ERBB4: variants seen among roughly 807,000 people sequenced by gnomAD.
The protein encoded by ERBB4 is erb-b2 receptor tyrosine kinase 4.
A neutral mutation model predicts 158.0 loss-of-function variants in ERBB4; 42 were observed. That is an observed-to-expected ratio of 0.27 (90% CI 0.21 to 0.34). The LOEUF (loss-of-function observed/expected upper bound fraction) is 0.34, where lower values mean the gene tolerates loss of function less well. Ranked by LOEUF, ERBB4 falls within the 10% of genes least tolerant of loss-of-function variation. The pLI, the probability that ERBB4 is intolerant of heterozygous loss-of-function variation, is 1.00. For missense variants in ERBB4, 1,333 were observed against 1,624.1 expected (o/e 0.82, Z 3.08); for synonymous variants, 583 against 558.7 (o/e 1.04, Z -0.61).
At chr2:212,042,418 G>A (rs945164517) in intron 2 of ERBB4, among the ~76,000 whole-genome samples, 3 of 151,920 alleles carry the variant, frequency 2.0e-5, no homozygotes, top group Non-Finnish European at 4.4e-5. Context: ...AGGTTTTCAC[G>A]GAAGCTTTGA....
At chr2:211,898,602 C>G (rs1336812418) in intron 3 of ERBB4, among the ~76,000 whole-genome samples, 1 of 152,130 alleles carries the variant, frequency 6.6e-6, no homozygotes, top group Admixed American at 6.6e-5. Flanking sequence ...CCTTTCATGA[C>G]ACAGTGACTT....
intron 3 of ERBB4, among the ~76,000 whole-genome samples, chr2:211,851,733 A>G (rs1256226025): frequency 2.6e-5 from 4 of 151,980 alleles, no homozygotes; most frequent in African/African-American, 4.8e-5. Context: ...TATTGTGATA[A>G]GAGAATAGTG....
intron 20 of ERBB4, among the ~76,000 whole-genome samples, chr2:211,438,999 T>TGC (rs1352422854): frequency 2.0e-5 from 3 of 151,776 alleles, no homozygotes; most frequent in East Asian, 3.9e-4. Context: ...AGTGTGTGTG[T>TGC]GTGTGTGTGT....
intron 1 of ERBB4, among the ~76,000 whole-genome samples, chr2:212,145,166 TAAAAC>T (rs939197078): frequency 1.2e-4 from 19 of 152,032 alleles, no homozygotes; most frequent in African/African-American, 3.6e-4. Context: ...AAATTGTAGT[TAAAAC>T]AAAAAAAATC....
intron 17 of ERBB4, among the ~76,000 whole-genome samples, chr2:211,627,354 C>T (rs75287277): frequency 0.038 from 5,823 of 152,312 alleles, 364 homozygotes; most frequent in African/African-American, 0.13. Context: ...CTTCAATAAG[C>T]TTCCAGCTAA....
intron 2 of ERBB4, among the ~76,000 whole-genome samples, chr2:212,027,236 C>T (rs546870905): frequency 6.6e-6 from 1 of 152,104 alleles, no homozygotes; most frequent in Admixed American, 6.6e-5. Flanking sequence ...ATATTTTAAA[C>T]ACTTTCATTA....
At chr2:211,623,099 C>A (rs1260808547) in intron 18 of ERBB4, among the ~76,000 whole-genome samples, 3 of 126,646 alleles carry the variant, frequency 2.4e-5, no homozygotes, top group African/African-American at 8.8e-5. Context: ...AAGAATAATT[C>A]AGCATTTGCC....
At chr2:211,425,919 A>C (rs2125415635) in intron 22 of ERBB4, among the ~76,000 whole-genome samples, 1 of 152,186 alleles carries the variant, frequency 6.6e-6, no homozygotes, top group East Asian at 1.9e-4. Context: ...CCTGGGTTTG[A>C]GCCATCTGCC....
Position 212,068,764 on chromosome 2 carries a change from G to A in ERBB4, c.234+55988C>T, listed in dbSNP as rs976244192. 7.2e-5 allele frequency among the ~76,000 whole-genome samples: 11 copies of A among 152,144 alleles called. No homozygotes were observed. The South Asian group carries it at 2.3e-3, about 32-fold the overall frequency. ...CATTGGAATACTGATTCTATTTCAT[G>A]GAATGAACTGTTGTCCAATTTTAGA... is the stretch of plus-strand genomic sequence containing the variant. On this transcript the variant is annotated intron_variant, in intron 2 of 27. Coordinates refer to ENST00000342788, the MANE Select transcript of ERBB4 (RefSeq NM_005235.3).
chr2:211,904,447 G>A (rs145397419), intron 3 of ERBB4, among the ~76,000 whole-genome samples: 1 of 151,892 alleles, frequency 6.6e-6, no homozygotes, highest in African/African-American at 2.4e-5. Context: ...GCTTACTAAT[G>A]GAACTTTAGC....
chr2:211,586,443 C>T (rs1269104489), intron 19 of ERBB4, among the ~76,000 whole-genome samples: 1 of 152,114 alleles, frequency 6.6e-6, no homozygotes, highest in Non-Finnish European at 1.5e-5. Context: ...TAAAAGTACC[C>T]TGGAAGTATT....
chr2:211,624,126 T>G, intron 17 of ERBB4, 82 bp from the exon 18 acceptor site: 2 of 1,533,214 alleles, frequency 1.3e-6, no homozygotes, highest in Non-Finnish European at 1.8e-6. Context: ...TCTCTCTCTT[T>G]GGTTCTCTTT....
chr2:211,884,617 C>T (rs1196004121), intron 3 of ERBB4, among the ~76,000 whole-genome samples: 1 of 152,074 alleles, frequency 6.6e-6, no homozygotes, highest in Non-Finnish European at 1.5e-5. Flanking sequence ...CTAAAGGTGC[C>T]CATTTCCCAC....
At chr2:211,669,471 A>G (rs1427573919) in intron 14 of ERBB4, among the ~76,000 whole-genome samples, 2 of 152,004 alleles carry the variant, frequency 1.3e-5, no homozygotes, top group Non-Finnish European at 2.9e-5. Context: ...GTCTCCTGAA[A>G]CTGTCTGATT....
At chr2:212,022,364 C>A (rs1005772699) in intron 2 of ERBB4, among the ~76,000 whole-genome samples, 1 of 152,042 alleles carries the variant, frequency 6.6e-6, no homozygotes, top group African/African-American at 2.4e-5. Flanking sequence ...AAAAAGGAAC[C>A]AGATCGTGTC....
At chr2:212,397,094 T>TA (rs1361874943) in intron 1 of ERBB4, among the ~76,000 whole-genome samples, 3 of 152,188 alleles carry the variant, frequency 2.0e-5, no homozygotes, top group Non-Finnish European at 4.4e-5. Flanking sequence ...CTTCTATTGT[T>TA]AAAAAACATA....
At chr2:212,476,709 C>G (rs1299339432) in intron 1 of ERBB4, among the ~76,000 whole-genome samples, 2 of 152,054 alleles carry the variant, frequency 1.3e-5, no homozygotes, top group Non-Finnish European at 2.9e-5. Context: ...CTACTTTCCT[C>G]ATATATACAT....
chr2:212,226,481 T>C (rs1316655533), intron 1 of ERBB4, among the ~76,000 whole-genome samples: 3 of 152,002 alleles, frequency 2.0e-5, no homozygotes, highest in South Asian at 4.1e-4. Flanking sequence ...ACAATCCCAA[T>C]GCTTTATCTA....
chr2:211,611,900 C>G (rs1268992738), intron 19 of ERBB4, among the ~76,000 whole-genome samples: 2 of 151,964 alleles, frequency 1.3e-5, no homozygotes, highest in African/African-American at 2.4e-5. Context: ...ACAGGTTCCC[C>G]TAATAGAAAC....
Sources: allele counts gnomAD v4.1 joint callset (sites outside exome capture counted in the v4.1 genomes callset), GRCh38; gene constraint gnomAD v4.1.1; transcripts MANE v1.5; gene names NCBI Gene and HGNC (gene_info 2026-07-23, HGNC 2026-07-21).